The following NCKAP5 variants were observed in gnomAD, a reference collection of about 807,000 sequenced individuals.
NCKAP5 encodes NCK associated protein 5, also known as nck-associated protein 5.
In NCKAP5, 92 loss-of-function variants were observed where a neutral mutation model predicts 167.0. The ratio of observed to expected loss-of-function variants is 0.55; its 90% CI spans 0.47 to 0.66. NCKAP5 has a LOEUF of 0.66. Ranked by LOEUF, NCKAP5 falls within the 30% of genes least tolerant of loss-of-function variation. The pLI, the probability that NCKAP5 is intolerant of heterozygous loss-of-function variation, is 0.00. For synonymous variants in NCKAP5, 891 were observed against 877.4 expected, an observed-to-expected ratio of 1.02 and a Z score of -0.27; for missense variants, 2,378 against 2,315.0, an observed-to-expected ratio of 1.03 and a Z score of -0.56.
At chr2:132,692,601 A>T (rs1686872778) in intron 19 of NCKAP5, among the ~76,000 whole-genome samples, 1 of 152,104 alleles carries the variant, frequency 6.6e-6, no homozygotes, top group Non-Finnish European at 1.5e-5. Flanking sequence ...CTCTATAAGT[A>T]GTCTTGAATC....
At chr2:133,501,401 G>A (rs6755702) in intron 3 of NCKAP5, among the ~76,000 whole-genome samples, 9,954 of 152,044 alleles carry the variant, frequency 0.065, 370 homozygotes, top group South Asian at 0.16. Context: ...TCCTTAATTA[G>A]CCCTGTTGAT....
intron 4 of NCKAP5, among the ~76,000 whole-genome samples, chr2:133,287,315 C>T (rs890522009): frequency 6.6e-6 from 1 of 152,258 alleles, no homozygotes; most frequent in East Asian, 1.9e-4. Context: ...ATTAAGTGCT[C>T]TTGATATGGT....
chr2:133,223,823 G>A (rs1040177582), intron 4 of NCKAP5, among the ~76,000 whole-genome samples: 1 of 152,008 alleles, frequency 6.6e-6, no homozygotes, highest in African/African-American at 2.4e-5. Flanking sequence ...CAACAGGACT[G>A]GCATGTAAAA....
intron 2 of NCKAP5, among the ~76,000 whole-genome samples, chr2:133,549,232 G>C (rs1226294051): frequency 6.6e-6 from 1 of 151,986 alleles, no homozygotes; most frequent in Non-Finnish European, 1.5e-5. Context: ...CATAAAGCAA[G>C]TCCTGAGTGA....
At chr2:133,210,263 C>G (rs2086153243) in intron 5 of NCKAP5, among the ~76,000 whole-genome samples, 1 of 150,896 alleles carries the variant, frequency 6.6e-6, no homozygotes, top group Admixed American at 6.6e-5. Context: ...TATCTTAAAA[C>G]TTGTAAGTGT....
intron 16 of NCKAP5, among the ~76,000 whole-genome samples, chr2:132,737,049 C>T (rs552170950): frequency 6.6e-6 from 1 of 152,308 alleles, no homozygotes; most frequent in South Asian, 2.1e-4. Flanking sequence ...TTACCACCAC[C>T]ATCAAGACCC....
intron 3 of NCKAP5, among the ~76,000 whole-genome samples, chr2:133,326,212 T>A (rs1303928489): frequency 6.6e-6 from 1 of 152,004 alleles, no homozygotes; most frequent in East Asian, 1.9e-4. Flanking sequence ...TCCCAGCACT[T>A]TGGGAGGCCG....
intron 3 of NCKAP5, among the ~76,000 whole-genome samples, chr2:133,494,012 T>C (rs1681705556): frequency 1.3e-5 from 2 of 151,936 alleles, no homozygotes; most frequent in Admixed American, 1.3e-4. Flanking sequence ...TCAGGAAAGT[T>C]TGGGTTTGTG....
chr2:133,445,125 A>C (rs895098417), intron 3 of NCKAP5, among the ~76,000 whole-genome samples: 1 of 152,194 alleles, frequency 6.6e-6, no homozygotes, highest in Non-Finnish European at 1.5e-5. Context: ...CAAAAATATC[A>C]GGCAATTTAA....
At position 133,172,886 on chromosome 2, in the gene NCKAP5, C is replaced by T. The variant is rs115555437; in HGVS notation, c.207+40830G>A. 7.7e-3 allele frequency among the ~76,000 whole-genome samples: 1,164 copies of T among 152,146 alleles called. 9 individuals carry two copies. Among genetic ancestry groups the T allele is most frequent in the African/African-American group, 0.027 (1,101 of 41,506 alleles). ...GTAGTCTCGAGAGATGGGGTTTCAT[C>T]ACATTGGTCAGGCTGCTCAAACACC... On this transcript the variant is annotated intron_variant, in intron 5 of 19. Transcript: ENST00000409261.
chr2:133,184,329 G>A (rs182484194), intron 5 of NCKAP5, among the ~76,000 whole-genome samples: 2 of 152,138 alleles, frequency 1.3e-5, no homozygotes, highest in Non-Finnish European at 2.9e-5. Context: ...AGTATTCTAC[G>A]GTGTATATGT....
At chr2:132,860,677 A>G (rs1574446203) in intron 10 of NCKAP5, 66 bp from the exon 11 acceptor site, 2 of 1,492,974 alleles carry the variant, frequency 1.3e-6, no homozygotes, top group East Asian at 2.5e-5. Context: ...TATTATAACC[A>G]TATTTTATAT....
chr2:133,633,656 C>A, the NCKAP5 span, among the ~76,000 whole-genome samples: 2 of 152,166 alleles, frequency 1.3e-5, no homozygotes, highest in Non-Finnish European at 2.9e-5. Flanking sequence ...TACATCCCAA[C>A]GCTTAGAGAT....
chr2:133,015,389 T>A (rs1408245903), intron 6 of NCKAP5, among the ~76,000 whole-genome samples: 1 of 152,148 alleles, frequency 6.6e-6, no homozygotes, highest in Non-Finnish European at 1.5e-5. Flanking sequence ...ACATTCTGAC[T>A]TTTCATTTTT....
At chr2:133,214,730 AT>A (rs1161051067) in intron 4 of NCKAP5, among the ~76,000 whole-genome samples, 1 of 148,200 alleles carries the variant, frequency 6.7e-6, no homozygotes, top group African/African-American at 2.5e-5. Flanking sequence ...TTTAGTAAGT[AT>A]TTCCCCTGAT....
At chr2:132,983,623 A>G (rs2077202657) in intron 7 of NCKAP5, among the ~76,000 whole-genome samples, 1 of 152,200 alleles carries the variant, frequency 6.6e-6, no homozygotes, top group African/African-American at 2.4e-5. Context: ...ATGTTAATCT[A>G]GCTATTGCAT....
intron 3 of NCKAP5, among the ~76,000 whole-genome samples, chr2:133,515,312 G>T (rs73003154): frequency 0.015 from 2,284 of 152,102 alleles, 48 homozygotes; most frequent in African/African-American, 0.052. Context: ...CAAAATTGTA[G>T]TAACTTGGCC....
the NCKAP5 span, among the ~76,000 whole-genome samples, chr2:133,615,060 G>T: frequency 6.6e-6 from 1 of 150,612 alleles, no homozygotes; most frequent in Non-Finnish European, 1.5e-5. Flanking sequence ...AGCTTCATAA[G>T]TGAAGGAGAA....
chr2:132,940,018 T>C (rs1256777571), intron 8 of NCKAP5, among the ~76,000 whole-genome samples: 4 of 152,046 alleles, frequency 2.6e-5, no homozygotes, highest in Admixed American at 6.6e-5. Context: ...ATATACATAG[T>C]AGTCTTTTAT....
Sources: gnomAD v4.1 joint callset for allele counts (sites outside exome capture counted in the v4.1 genomes callset) on GRCh38, gnomAD v4.1.1 for gene constraint, MANE v1.5 for transcripts, NCBI Gene and HGNC (gene_info 2026-07-23, HGNC 2026-07-21) for gene names.